The following BACH2 variants were observed in gnomAD, a reference collection of about 807,000 sequenced individuals.
BACH2 encodes the protein BACH transcriptional regulator 2.
BACH2 carries 5 observed loss-of-function variants against 61.8 expected under a neutral mutation model. The ratio of observed to expected loss-of-function variants is 0.08; its 90% confidence interval spans 0.04 to 0.17. BACH2 has a LOEUF of 0.17. Ranked by LOEUF, BACH2 falls within the 10% of genes least tolerant of loss-of-function variation. The probability of loss-of-function intolerance (pLI) is 1.00; values close to 1 mark genes in which losing one functional copy is unlikely to be tolerated. For synonymous variants in BACH2, 446 were observed against 440.1 expected, an observed-to-expected ratio of 1.01 and a Z score of -0.17; for missense variants, 824 against 1,091.1, an observed-to-expected ratio of 0.76 and a Z score of 3.45.
At chr6:90,092,497 T>C (rs1013319303) in intron 4 of BACH2, among the ~76,000 whole-genome samples, 11 of 151,988 alleles carry the variant, frequency 7.2e-5, no homozygotes, top group African/African-American at 2.7e-4. Flanking sequence ...CCACTCACAG[T>C]AGCTTTGTTA....
chr6:90,163,770 A>G (rs144767458), intron 4 of BACH2, among the ~76,000 whole-genome samples: 110 of 152,308 alleles, frequency 7.2e-4, no homozygotes, highest in Middle Eastern at 3.4e-3. Context: ...CTTAAAATAG[A>G]AATATTTCTA....
At chr6:89,987,141 TTA>T (rs1197851997) in intron 6 of BACH2, among the ~76,000 whole-genome samples, 1 of 152,158 alleles carries the variant, frequency 6.6e-6, no homozygotes, top group East Asian at 1.9e-4. Context: ...CAGGCTGATA[TTA>T]TGTGTTAAAT....
chr6:90,126,512 A>C (rs1054112582), intron 4 of BACH2, among the ~76,000 whole-genome samples: 1 of 152,240 alleles, frequency 6.6e-6, no homozygotes, highest in Non-Finnish European at 1.5e-5. Context: ...TTTAAATAAA[A>C]AGAAACAAAA....
At chr6:90,179,068 C>T (rs180798216) in intron 4 of BACH2, among the ~76,000 whole-genome samples, 3 of 152,100 alleles carry the variant, frequency 2.0e-5, no homozygotes, top group African/African-American at 7.2e-5. Context: ...ACATGAACTG[C>T]CCCGAATCAC....
At chr6:90,092,395 C>T (rs554359995) in intron 4 of BACH2, among the ~76,000 whole-genome samples, 124 of 150,518 alleles carry the variant, frequency 8.2e-4, no homozygotes, top group Non-Finnish European at 1.6e-3. Flanking sequence ...TGCAAAACAC[C>T]GCAAGCTAAA....
At chr6:90,092,407 G>A (rs1258369386) in intron 4 of BACH2, among the ~76,000 whole-genome samples, 1 of 149,746 alleles carries the variant, frequency 6.7e-6, no homozygotes, top group South Asian at 2.1e-4. Context: ...CAAGCTAAAA[G>A]CAAGTAATGC....
At chr6:90,036,923 T>C (rs1313981686) in intron 5 of BACH2, among the ~76,000 whole-genome samples, 4 of 152,352 alleles carry the variant, frequency 2.6e-5, no homozygotes, top group Middle Eastern at 6.8e-3. Context: ...AACAGACTAA[T>C]TGTCTGCCCT....
chr6:90,082,275 C>T (rs1781756630), intron 5 of BACH2, among the ~76,000 whole-genome samples: 1 of 152,122 alleles, frequency 6.6e-6, no homozygotes, highest in African/African-American at 2.4e-5. Context: ...ACTGAATCTT[C>T]CTTTATGATT....
At chr6:90,245,341 A>C (rs142862628) in intron 3 of BACH2, among the ~76,000 whole-genome samples, 1 of 152,216 alleles carries the variant, frequency 6.6e-6, no homozygotes, top group African/African-American at 2.4e-5. Flanking sequence ...TTGTAATCAC[A>C]GTACTTTTGG....
In BACH2 at chr6:90,211,588, CTGTGTGTGTGTGTGTGTGTG is replaced by C. The variant is rs3072674; in HGVS notation, c.-274-4927_-274-4908del. ...AAGAGAAGCTTAAAAGTGTCAAGGGCTGTGTGTGTGTGTGTGTGTGTGTGTGTGTGTGTGTGTGTGTGTGC... is the reference window on the plus strand; with the variant it reads ...AAGAGAAGCTTAAAAGTGTCAAGGGCTGTGTGTGTGTGTGTGTGTGTGTGC... On this transcript the variant is annotated intron_variant, in intron 3 of 8. Transcript: ENST00000257749. 3.7e-4 allele frequency among the ~76,000 whole-genome samples: 54 copies of C among 144,138 alleles called. 2 individuals carry two copies. Among genetic ancestry groups the C allele is most frequent in the African/African-American group, 1.3e-3 (50 of 38,686 alleles). The allele number at this position is 144,138 out of a possible 152,430, so 94.6% of individuals were successfully genotyped here. A position where few individuals can be genotyped will look rare whatever the true frequency, so the allele number is the denominator to read the frequency against.
intron 4 of BACH2, among the ~76,000 whole-genome samples, chr6:90,160,497 G>T (rs539255396): frequency 6.6e-6 from 1 of 152,290 alleles, no homozygotes; most frequent in South Asian, 2.1e-4. Flanking sequence ...TTAAAATGAG[G>T]ATCTAAGTAC....
At chr6:90,067,520 C>T (rs1015130654) in intron 5 of BACH2, among the ~76,000 whole-genome samples, 2 of 152,154 alleles carry the variant, frequency 1.3e-5, no homozygotes, top group African/African-American at 2.4e-5. Context: ...GTGAGGCATG[C>T]CCCTTCCAGG....
At chr6:89,956,334 C>T (rs924641289) in intron 6 of BACH2, among the ~76,000 whole-genome samples, 3 of 152,148 alleles carry the variant, frequency 2.0e-5, no homozygotes, top group African/African-American at 7.2e-5. Flanking sequence ...AACCCTCCAA[C>T]CTCCCACAGA....
At chr6:90,100,686 T>TACACACACACACACAGACACACACAC in intron 4 of BACH2, among the ~76,000 whole-genome samples, 1 of 54,502 alleles carries the variant, frequency 1.8e-5, no homozygotes, top group South Asian at 7.1e-4. Flanking sequence ...TCTCTCTCTC[T>TACACACACACACACAGACACACACAC]ACACACACAC....
At chr6:90,097,973 C>G (rs529287188) in intron 4 of BACH2, among the ~76,000 whole-genome samples, 1 of 152,138 alleles carries the variant, frequency 6.6e-6, no homozygotes, top group African/African-American at 2.4e-5. Flanking sequence ...TGTGAGACAC[C>G]ATGTGAAAAG....
At chr6:90,221,481 G>A (rs555796088) in intron 3 of BACH2, among the ~76,000 whole-genome samples, 42 of 152,274 alleles carry the variant, frequency 2.8e-4, no homozygotes, top group African/African-American at 9.4e-4. Context: ...ATAAGTTAAT[G>A]TAATAAACAT....
chr6:90,169,024 C>T (rs1027174643), intron 4 of BACH2, among the ~76,000 whole-genome samples: 1 of 152,020 alleles, frequency 6.6e-6, no homozygotes, highest in Non-Finnish European at 1.5e-5. Flanking sequence ...ACGATGTTTC[C>T]CTTAATGATG....
chr6:90,295,826 CG>C (rs1489081628), intron 1 of BACH2, among the ~76,000 whole-genome samples: 1 of 152,130 alleles, frequency 6.6e-6, no homozygotes, highest in East Asian at 1.9e-4. Context: ...TCCAGGTCTG[CG>C]CCGCGAGGCC....
chr6:89,987,157 G>A (rs1397312619), intron 6 of BACH2, among the ~76,000 whole-genome samples: 2 of 152,154 alleles, frequency 1.3e-5, no homozygotes, highest in African/African-American at 2.4e-5. Flanking sequence ...GTTAAATGCA[G>A]AAAGATTTAA....
Sources: allele counts gnomAD v4.1 joint callset (sites outside exome capture counted in the v4.1 genomes callset), GRCh38; gene constraint gnomAD v4.1.1; transcripts MANE v1.5; gene names NCBI Gene and HGNC (gene_info 2026-07-23, HGNC 2026-07-21).